Variants in WWOX observed in about 807,000 individuals in gnomAD.
WWOX encodes the protein WW domain-containing oxidoreductase.
WWOX carries 69 observed loss-of-function variants against 46.2 expected under a neutral mutation model. That is an observed-to-expected ratio of 1.49 (90% CI 1.23 to 1.82). The LOEUF (loss-of-function observed/expected upper bound fraction) is 1.82, where lower values mean the gene tolerates loss of function less well. Ranked by LOEUF, WWOX falls within the 40% of genes most tolerant of loss-of-function variation. WWOX has a pLI of 0.00. For synonymous variants in WWOX, 359 were observed against 202.6 expected, an observed-to-expected ratio of 1.77 and a Z score of -6.56; for missense variants, 919 against 542.6, an observed-to-expected ratio of 1.69 and a Z score of -6.89.
chr16:78,563,431 A>G (rs926472167), intron 8 of WWOX, among the ~76,000 whole-genome samples: 4 of 151,926 alleles, frequency 2.6e-5, no homozygotes, highest in African/African-American at 9.7e-5. Flanking sequence ...AACAATAACA[A>G]CGTAGGAGGG....
chr16:79,121,465 A>G (rs1456481902), intron 8 of WWOX, among the ~76,000 whole-genome samples: 1 of 152,206 alleles, frequency 6.6e-6, no homozygotes, highest in Non-Finnish European at 1.5e-5. Context: ...TCGGTTTGCC[A>G]TGACTTGGGC....
At chr16:79,043,753 G>T (rs868651714) in intron 8 of WWOX, among the ~76,000 whole-genome samples, 6 of 152,292 alleles carry the variant, frequency 3.9e-5, no homozygotes, top group Non-Finnish European at 7.4e-5. Context: ...AGGCTGAAAT[G>T]ATATTATCAG....
At chr16:78,993,691 G>C (rs928281019) in intron 8 of WWOX, among the ~76,000 whole-genome samples, 2 of 152,200 alleles carry the variant, frequency 1.3e-5, no homozygotes, top group African/African-American at 2.4e-5. Flanking sequence ...CTGCCACGGG[G>C]GGACAGGAAA....
intron 6 of WWOX, among the ~76,000 whole-genome samples, chr16:78,422,154 T>C (rs576220977): frequency 5.3e-5 from 8 of 152,266 alleles, no homozygotes; most frequent in African/African-American, 1.7e-4. Context: ...AAGATACGTG[T>C]TTGTCTCATA....
At chr16:78,638,077 C>G (rs772515181) in intron 8 of WWOX, among the ~76,000 whole-genome samples, 11 of 152,318 alleles carry the variant, frequency 7.2e-5, no homozygotes, top group Middle Eastern at 3.4e-3. Flanking sequence ...ACCGCTTTCC[C>G]CAATCCAAGC....
rs926995023 is a variant in WWOX, at chr16:78,565,663, G to A, written c.1056+132911G>A. 3.2e-4 allele frequency among the ~76,000 whole-genome samples: 48 copies of A among 152,182 alleles called. 1 individual carries two copies. Among genetic ancestry groups the A allele is most frequent in the African/African-American group, 1.0e-3 (43 of 41,452 alleles). On this transcript the variant is annotated intron_variant, in intron 8 of 8. Coordinates refer to ENST00000566780, the MANE Select transcript of WWOX (RefSeq NM_016373.4). The stretch of plus-strand genomic sequence containing the variant: ...ACAGAGTCACAAATTTGGGGAATTA[G>A]TGTGTAGACTTCTCTTGTAGGGAGT...
intron 8 of WWOX, chr16:78,898,361 G>C (rs1597122610): frequency 6.6e-6 from 1 of 152,008 alleles, no homozygotes; most frequent in Non-Finnish European, 1.5e-5. Context: ...CTCTCCATAA[G>C]ACTCTCCAAT....
At chr16:78,527,388 T>C (rs953634556) in intron 8 of WWOX, among the ~76,000 whole-genome samples, 2 of 151,622 alleles carry the variant, frequency 1.3e-5, no homozygotes, top group African/African-American at 4.8e-5. Flanking sequence ...CTGCCTCCTG[T>C]AATCAAGAGA....
At chr16:78,642,269 G>C (rs936024710) in intron 8 of WWOX, among the ~76,000 whole-genome samples, 5 of 152,182 alleles carry the variant, frequency 3.3e-5, no homozygotes, top group African/African-American at 1.2e-4. Context: ...GAAATGGGTG[G>C]AGAATGTAGG....
chr16:78,404,363 GATACCA>G (rs1290003533), intron 6 of WWOX, among the ~76,000 whole-genome samples: 175 of 152,166 alleles, frequency 1.2e-3, no homozygotes, highest in Non-Finnish European at 1.9e-3. Context: ...GGTGACTTCA[GATACCA>G]CCTCTATCCT....
intron 8 of WWOX, among the ~76,000 whole-genome samples, chr16:78,508,303 G>C (rs1195207447): frequency 7.7e-6 from 1 of 129,890 alleles, no homozygotes; most frequent in Admixed American, 7.9e-5. Flanking sequence ...GAGCCACTGC[G>C]CCCGGCCTTT....
chr16:78,856,566 C>A lies in WWOX; in HGVS notation c.1057-355042C>A, dbSNP rs192298167. On this transcript the variant is annotated intron_variant, in intron 8 of 8. Transcript: ENST00000566780. ...TCTGAGGCAGGAGAATCCCTTGAAC[C>A]CAGGAGGCAGAGATTGCAGTGAGCC... 7.2e-5 allele frequency among the ~76,000 whole-genome samples: 11 copies of A among 152,188 alleles called. No individual in the cohort carries two copies. The East Asian group carries it at 1.7e-3, about 24-fold the overall frequency.
At chr16:78,670,779 T>C (rs1285847205) in intron 8 of WWOX, among the ~76,000 whole-genome samples, 1 of 152,088 alleles carries the variant, frequency 6.6e-6, no homozygotes, top group Non-Finnish European at 1.5e-5. Context: ...CCTAAAGTGC[T>C]GGGATTACAG....
In WWOX at chr16:78,816,436, G is replaced by T. The variant is rs138090391; in HGVS notation, c.1056+383684G>T. On this transcript the variant is annotated intron_variant, in intron 8 of 8. Coordinates refer to ENST00000566780, the MANE Select transcript of WWOX (RefSeq NM_016373.4). ...TTTAATGTGAAAATAGAAATGGAGG[G>T]CTTTTAAAAGAGCTTACTCAAAATC... Among the ~76,000 whole-genome samples the T allele has an allele frequency of 1.2e-3, 177 of 149,402 alleles. 2 individuals carry two copies. In the East Asian group the frequency reaches 0.014, roughly 12 times the overall value.
intron 8 of WWOX, among the ~76,000 whole-genome samples, chr16:78,433,431 G>T (rs1477183085): frequency 6.6e-6 from 1 of 152,156 alleles, no homozygotes; most frequent in East Asian, 1.9e-4. Flanking sequence ...GAAGTATTTT[G>T]AATGAAGAAA....
intron 8 of WWOX, among the ~76,000 whole-genome samples, chr16:78,992,018 C>G (rs896248572): frequency 6.6e-6 from 1 of 152,194 alleles, no homozygotes; most frequent in African/African-American, 2.4e-5. Flanking sequence ...AGGATCTTCT[C>G]CCTCTCCCCA....
chr16:78,107,028 T>C (rs1281377475), intron 1 of WWOX, among the ~76,000 whole-genome samples: 3 of 152,240 alleles, frequency 2.0e-5, no homozygotes, highest in African/African-American at 7.2e-5. Flanking sequence ...TGAAAAGACC[T>C]TGCTTGCAAG....
chr16:78,536,787 G>T (rs981108266), intron 8 of WWOX, among the ~76,000 whole-genome samples: 1 of 151,976 alleles, frequency 6.6e-6, no homozygotes, highest in East Asian at 1.9e-4. Flanking sequence ...AGCTGATGTG[G>T]ATTATTTCTC....
intron 8 of WWOX, among the ~76,000 whole-genome samples, chr16:78,747,141 ATGT>A (rs2049366986): frequency 6.7e-6 from 1 of 149,738 alleles, no homozygotes; most frequent in Admixed American, 6.7e-5. Flanking sequence ...GCTTTTGTAC[ATGT>A]TGTTTCTTTT....
Sources: gnomAD v4.1 joint callset for allele counts (sites outside exome capture counted in the v4.1 genomes callset) on GRCh38, gnomAD v4.1.1 for gene constraint, MANE v1.5 for transcripts, NCBI Gene and HGNC (gene_info 2026-07-23, HGNC 2026-07-21) for gene names.